PCDHA13: variants seen among roughly 807,000 people sequenced by gnomAD.
PCDHA13 encodes protocadherin alpha 13.
Under a neutral mutation model 64.8 loss-of-function variants are expected in PCDHA13, and 54 were observed. That is an observed-to-expected ratio of 0.83 (90% confidence interval 0.67 to 1.04). PCDHA13 has a LOEUF of 1.04. Among genes scored for constraint, PCDHA13 ranks in the 50% least tolerant of loss-of-function variants. The pLI is 0.00. For synonymous variants in PCDHA13, 587 were observed against 564.4 expected, an observed-to-expected ratio of 1.04 and a Z score of -0.57; for missense variants, 1,248 against 1,254.3, an observed-to-expected ratio of 0.99 and a Z score of 0.08.
chr5:140,883,080 A>T lies in PCDHA13; in HGVS notation c.812A>T (p.Asp271Val). The T allele has an allele frequency of 6.2e-7, 1 of 1,614,140 alleles. No homozygotes were observed. The highest frequency in any genetic ancestry group is 8.5e-7 in the Non-Finnish European group (1 of 1,180,026). The change falls in exon 1 of 4, where the codon GAT becomes GTT. Residue 271 changes from aspartate (D) to valine (V), a missense_variant. Coordinates refer to ENST00000289272, the MANE Select transcript of PCDHA13 (RefSeq NM_018904.3). ...AAGCTAAATGCCACAGATCCTGATG[A>T]TGGTACAAATGGAGATATAGTTTAC... is the stretch of plus-strand genomic sequence containing the variant. ...VIKLNATDPD[D>V]GTNGDIVYSF...
At chr5:140,960,903 G>C (rs560284839) in intron 1 of PCDHA13, among the ~76,000 whole-genome samples, 3 of 152,308 alleles carry the variant, frequency 2.0e-5, no homozygotes, top group African/African-American at 7.2e-5. Context: ...GGCATATCTT[G>C]AGTTTCAGAT....
intron 1 of PCDHA13, among the ~76,000 whole-genome samples, chr5:140,923,820 C>T (rs892649324): frequency 5.3e-4 from 80 of 152,224 alleles, no homozygotes; most frequent in African/African-American, 1.6e-3. Context: ...TGAAAATAGA[C>T]GTCAGTGGCA....
chr5:140,947,277 T>C (rs1272482991), intron 1 of PCDHA13, among the ~76,000 whole-genome samples: 3 of 151,662 alleles, frequency 2.0e-5, no homozygotes, highest in African/African-American at 7.2e-5. Context: ...AAATACTTTT[T>C]CTTTTTATTG....
At chr5:141,007,235 T>G (rs2098311065) in intron 3 of PCDHA13, among the ~76,000 whole-genome samples, 1 of 151,964 alleles carries the variant, frequency 6.6e-6, no homozygotes, top group Non-Finnish European at 1.5e-5. Context: ...GAAGGATTGT[T>G]GAGCTGAAGG....
intron 1 of PCDHA13, among the ~76,000 whole-genome samples, chr5:140,933,844 G>A (rs2089450133): frequency 6.6e-6 from 1 of 151,910 alleles, no homozygotes; most frequent in South Asian, 2.1e-4. Context: ...TTTCATTCCT[G>A]TACCTTTAAT....
At chr5:140,917,657 G>A (rs1382905790) in intron 1 of PCDHA13, among the ~76,000 whole-genome samples, 2 of 152,156 alleles carry the variant, frequency 1.3e-5, no homozygotes, top group Admixed American at 1.3e-4. Context: ...TATTGAGTAG[G>A]AAGTCCTTTC....
chr5:140,914,639 G>C (rs1348153716), intron 1 of PCDHA13, among the ~76,000 whole-genome samples: 5 of 151,890 alleles, frequency 3.3e-5, no homozygotes, highest in Admixed American at 3.3e-4. Context: ...TGGTTTCATG[G>C]TCATCTCTCC....
chr5:140,926,656 T>C (rs1372034097), intron 1 of PCDHA13: 1 of 513,300 alleles, frequency 1.9e-6, no homozygotes, highest in Non-Finnish European at 3.1e-6. Flanking sequence ...CGGCTCCGCT[T>C]TCCCAGACGG....
At chr5:140,968,401 C>T (rs1554230667) in intron 1 of PCDHA13, 1 of 1,613,984 alleles carries the variant, frequency 6.2e-7, no homozygotes, top group South Asian at 1.1e-5. Context: ...TTCGGGAGTT[C>T]TTTGTGACTG....
intron 1 of PCDHA13, among the ~76,000 whole-genome samples, chr5:140,935,464 G>A (rs2090388076): frequency 6.6e-6 from 1 of 152,146 alleles, no homozygotes; most frequent in Admixed American, 6.5e-5. Context: ...AGCAGTTTAA[G>A]TTTTTGTCAT....
At chr5:140,909,927 TCA>T (rs781847647) in intron 1 of PCDHA13, among the ~76,000 whole-genome samples, 6 of 152,150 alleles carry the variant, frequency 3.9e-5, no homozygotes, top group African/African-American at 9.7e-5. Flanking sequence ...CTTTCCCCAA[TCA>T]CAGTTACTCT....
intron 3 of PCDHA13, among the ~76,000 whole-genome samples, chr5:141,003,593 G>A (rs1291518572): frequency 6.6e-6 from 1 of 152,140 alleles, no homozygotes; most frequent in African/African-American, 2.4e-5. Flanking sequence ...GATTTTAGAT[G>A]TGAGCCACCA....
intron 1 of PCDHA13, among the ~76,000 whole-genome samples, chr5:140,976,568 TA>T (rs2096723296): frequency 6.6e-6 from 1 of 152,050 alleles, no homozygotes; most frequent in Non-Finnish European, 1.5e-5. Context: ...AATAAATAAA[TA>T]TAAATAAAAC....
Position 140,884,104 on chromosome 5 carries a change from G to C in PCDHA13, c.1836G>C (p.Gln612His). The change falls in exon 1 of 4, where the codon CAG becomes CAC. Residue 612 changes from glutamine (Q) to histidine (H), a missense_variant. By Grantham distance (24) the Gln-to-His change is conservative (BLOSUM62 0). Transcript: ENST00000289272. Reference sequence around the variant, plus strand: ...ATGCGTGGCTTTCGTATGAATTGCAGCTGGCGGCGGTCGGCGCGCGCATCC... The same window carrying C: ...ATGCGTGGCTTTCGTATGAATTGCACCTGGCGGCGGTCGGCGCGCGCATCC... ...GYNAWLSYEL[Q>H]LAAVGARIPF... The C allele has an allele frequency of 6.2e-7, 1 of 1,613,464 alleles. No individual in the cohort carries two copies. The highest frequency in any genetic ancestry group is 1.3e-5 in the African/African-American group (1 of 75,038).
chr5:140,948,573 G>A (rs892818051), intron 1 of PCDHA13, among the ~76,000 whole-genome samples: 1 of 151,448 alleles, frequency 6.6e-6, no homozygotes, highest in Non-Finnish European at 1.5e-5. Flanking sequence ...ATTTTTTAAA[G>A]GATTTGTCAG....
chr5:140,897,970 G>A (rs561364842), intron 1 of PCDHA13, among the ~76,000 whole-genome samples: 10 of 152,210 alleles, frequency 6.6e-5, no homozygotes, highest in Admixed American at 2.6e-4. Context: ...TGTGTCTTTT[G>A]GCTGCATAAA....
At chr5:140,911,338 A>G (rs1562979911) in intron 1 of PCDHA13, among the ~76,000 whole-genome samples, 1 of 152,040 alleles carries the variant, frequency 6.6e-6, no homozygotes, top group African/African-American at 2.4e-5. Context: ...TTTTCCAATC[A>G]ATGCCCTCAT....
intron 2 of PCDHA13, among the ~76,000 whole-genome samples, chr5:140,981,353 C>A (rs551731316): frequency 6.6e-6 from 1 of 152,166 alleles, no homozygotes; most frequent in South Asian, 2.1e-4. Context: ...GCAGGTGGAT[C>A]ACTTGAGGTC....
chr5:140,929,540 G>A, intron 1 of PCDHA13: 1 of 549,498 alleles, frequency 1.8e-6, no homozygotes, highest in Admixed American at 4.2e-5. Context: ...GAGAAACAAG[G>A]GCAAAAATTA....
Sources: gnomAD v4.1 joint callset for allele counts (sites outside exome capture counted in the v4.1 genomes callset) on GRCh38, gnomAD v4.1.1 for gene constraint, MANE v1.5 for transcripts, NCBI Gene and HGNC (gene_info 2026-07-23, HGNC 2026-07-21) for gene names.